The following PRELID2 variants were observed in gnomAD, a reference collection of about 807,000 sequenced individuals.
PRELID2 encodes PRELI domain containing 2.
Under a neutral mutation model 28.4 loss-of-function variants are expected in PRELID2, and 25 were observed. The observed-to-expected ratio is 0.88, with a 90% CI of 0.64 to 1.23. The LOEUF (loss-of-function observed/expected upper bound fraction) is 1.23, where lower values mean the gene tolerates loss of function less well. Among genes scored for constraint, PRELID2 ranks in the 50% most tolerant of loss-of-function variants. PRELID2 has a pLI of 0.00. For missense variants in PRELID2, 201 were observed against 214.4 expected (o/e 0.94, Z 0.39); for synonymous variants, 76 against 71.6 (o/e 1.06, Z -0.31).
chr5:145,739,927 G>A (rs1444985521), intron 1 of PRELID2, among the ~76,000 whole-genome samples: 1 of 145,028 alleles, frequency 6.9e-6, no homozygotes, highest in Non-Finnish European at 1.5e-5. Context: ...AAAAAAGAAA[G>A]AAAACAAAGA....
intron 4 of PRELID2, among the ~76,000 whole-genome samples, chr5:145,802,953 A>G (rs1220667954): frequency 3.3e-5 from 5 of 152,184 alleles, no homozygotes. Flanking sequence ...GGAAAGCAAA[A>G]GCTCTTAATG....
chr5:145,286,724 G>GTT, the PRELID2 span, among the ~76,000 whole-genome samples: 26 of 114,424 alleles, frequency 2.3e-4, no homozygotes, highest in East Asian at 6.9e-4. Flanking sequence ...TTGTTTGTTT[G>GTT]TTTTTTTTTT....
chr5:145,801,124 A>G (rs555678409), intron 4 of PRELID2, among the ~76,000 whole-genome samples: 5 of 152,176 alleles, frequency 3.3e-5, no homozygotes, highest in Non-Finnish European at 7.4e-5. Context: ...TAAATTTTCT[A>G]TTTAAACAAT....
the PRELID2 span, among the ~76,000 whole-genome samples, chr5:145,347,564 A>G: frequency 6.6e-6 from 1 of 151,982 alleles, no homozygotes; most frequent in Non-Finnish European, 1.5e-5. Flanking sequence ...TGTGGTGGCT[A>G]TTTTATTATC....
At chr5:145,372,192 T>C in the PRELID2 span, among the ~76,000 whole-genome samples, 1 of 152,126 alleles carries the variant, frequency 6.6e-6, no homozygotes, top group Admixed American at 6.6e-5. Context: ...CTGCCTTAAT[T>C]TCCTAATTTA....
intron 1 of PRELID2, among the ~76,000 whole-genome samples, chr5:145,542,775 TTC>T (rs767789394): frequency 3.5e-5 from 5 of 141,180 alleles, no homozygotes; most frequent in African/African-American, 1.5e-4. Flanking sequence ...CTTTCTTTCT[TTC>T]TTTCTTTCTG....
the PRELID2 span, among the ~76,000 whole-genome samples, chr5:145,382,014 TG>T: frequency 6.6e-6 from 1 of 151,248 alleles, no homozygotes. Flanking sequence ...AACTTTAAAG[TG>T]GGGGGTAGTC....
the PRELID2 span, among the ~76,000 whole-genome samples, chr5:145,381,387 T>G: frequency 6.6e-6 from 1 of 150,874 alleles, no homozygotes; most frequent in Admixed American, 6.6e-5. Flanking sequence ...ACATATTGGG[T>G]TGGTGCAAAA....
intron 1 of PRELID2, among the ~76,000 whole-genome samples, chr5:145,828,963 G>A (rs534248073): frequency 2.7e-5 from 4 of 146,984 alleles, no homozygotes; most frequent in South Asian, 2.2e-4. Context: ...TCAGCCTCCC[G>A]AGTACCTGGG....
chr5:145,345,028 T>C, the PRELID2 span, among the ~76,000 whole-genome samples: 2 of 152,140 alleles, frequency 1.3e-5, no homozygotes, highest in Non-Finnish European at 2.9e-5. Flanking sequence ...TATTTTTACC[T>C]GATAAAAACT....
At chr5:145,575,379 T>C (rs1580982183) in intron 1 of PRELID2, among the ~76,000 whole-genome samples, 1 of 152,350 alleles carries the variant, frequency 6.6e-6, no homozygotes, top group East Asian at 1.9e-4. Flanking sequence ...AAAGGAGCTA[T>C]GATTCATGCA....
the PRELID2 span, among the ~76,000 whole-genome samples, chr5:145,309,267 T>G: frequency 6.6e-6 from 1 of 152,150 alleles, no homozygotes; most frequent in Non-Finnish European, 1.5e-5. Context: ...AGGACATTGC[T>G]GGAGAACACA....
Position 145,492,553 on chromosome 5 carries a change from T to A in PRELID2, n.71-19238A>T, listed in dbSNP as rs1466523143. ...TCCCATTTGTCTATTTTTGTTTTTA[T>A]TACTTGTGCTTTTGAGGTTATATCC... On this transcript the variant is annotated intron_variant and non_coding_transcript_variant, in intron 1 of 2. Transcript: ENST00000510259. Among the ~76,000 whole-genome samples, 2 of 141,806 alleles carry A rather than the reference T, an allele frequency of 1.4e-5. 1 individual carries two copies. The highest frequency in any genetic ancestry group is 1.4e-4 in the Admixed American group (2 of 14,110). The allele number at this position is 141,806 out of a possible 152,430, so 93.0% of individuals were successfully genotyped here. A position where few individuals can be genotyped will look rare whatever the true frequency, so the allele number is the denominator to read the frequency against.
At chr5:145,676,804 C>T (rs929430104) in intron 1 of PRELID2, among the ~76,000 whole-genome samples, 1 of 151,856 alleles carries the variant, frequency 6.6e-6, no homozygotes, top group Non-Finnish European at 1.5e-5. Flanking sequence ...ATACAGAGGA[C>T]AGAAAAAAAT....
rs1450677431 is a variant in PRELID2, at chr5:145,702,834, G to A, written n.70+62097C>T. 3.3e-5 allele frequency among the ~76,000 whole-genome samples: 5 copies of A among 152,150 alleles called. No homozygotes were observed. In the South Asian group the frequency reaches 1.0e-3, roughly 32 times the overall value. The stretch of plus-strand genomic sequence containing the variant: ...CCTAATAAAACTTCAGCAGCCAAAA[G>A]TCAGAGAAGATACCACTTCTATGTG... On this transcript the variant is annotated intron_variant and non_coding_transcript_variant, in intron 1 of 2. Transcript: ENST00000510259.
At chr5:145,272,022 C>T in the PRELID2 span, among the ~76,000 whole-genome samples, 6 of 152,056 alleles carry the variant, frequency 3.9e-5, no homozygotes, top group African/African-American at 1.4e-4. Context: ...ATTGTCCACC[C>T]ATTTGGTGTG....
In PRELID2 at chr5:145,510,138, C is replaced by T. The variant is rs565132231; in HGVS notation, n.71-36823G>A. 1.7e-4 allele frequency among the ~76,000 whole-genome samples: 26 copies of T among 152,208 alleles called. No homozygotes were observed. The South Asian group carries it at 4.4e-3, about 25-fold the overall frequency. The stretch of plus-strand genomic sequence containing the variant: ...ATAAATGCTCTACATAAAATAGCTA[C>T]GCTAGTGACTGGTTCACACTCAAAC... On this transcript the variant is annotated intron_variant and non_coding_transcript_variant, in intron 1 of 2. Transcript: ENST00000510259.
At chr5:145,505,770 T>C (rs1262115871) in intron 1 of PRELID2, among the ~76,000 whole-genome samples, 3 of 152,136 alleles carry the variant, frequency 2.0e-5, no homozygotes, top group Non-Finnish European at 4.4e-5. Context: ...AACAGAAGAA[T>C]GGATAAAGAA....
the PRELID2 span, among the ~76,000 whole-genome samples, chr5:145,232,984 C>T: frequency 2.4e-4 from 35 of 144,904 alleles, no homozygotes; most frequent in Admixed American, 7.6e-4. Flanking sequence ...TATATATATA[C>T]GTGTGTGTGT....
Sources: allele counts gnomAD v4.1 joint callset (sites outside exome capture counted in the v4.1 genomes callset), GRCh38; gene constraint gnomAD v4.1.1; transcripts MANE v1.5; gene names NCBI Gene and HGNC (gene_info 2026-07-23, HGNC 2026-07-21).